CFAP92: variants seen among roughly 807,000 people sequenced by gnomAD.
CFAP92 encodes the protein cilia and flagella associated protein 92 (putative).
CFAP92 carries 86 observed loss-of-function variants against 106.3 expected under a neutral mutation model. The observed-to-expected ratio is 0.81, with a 90% CI of 0.68 to 0.97. The LOEUF is 0.97. CFAP92 is among the 50% of genes least tolerant of loss of function. CFAP92 has a pLI of 0.00. For missense variants in CFAP92, 1,204 were observed against 1,283.8 expected, an observed-to-expected ratio of 0.94 and a Z score of 0.95; for synonymous variants, 477 against 506.4, an observed-to-expected ratio of 0.94 and a Z score of 0.78.
chr3:128,922,357 T>C (rs115214716), intron 12 of CFAP92, among the ~76,000 whole-genome samples: 2,754 of 151,058 alleles, frequency 0.018, 83 homozygotes, highest in African/African-American at 0.063. Flanking sequence ...AAAAAAAAAA[T>C]TCAATTAGTT....
chr3:128,932,599 G>A (rs1448858157), intron 12 of CFAP92, 101 bp downstream of exon 12: 2 of 1,208,470 alleles, frequency 1.7e-6, no homozygotes, highest in African/African-American at 1.5e-5. Context: ...ACGACCAGAG[G>A]CAAATGTCCC....
At position 129,002,007 on chromosome 3, in the gene CFAP92, G is replaced by A; in HGVS notation, n.117+567C>T. ...CACGGACGGGGACTCAGATACCGAT[G>A]AAGAGGCGCGCCTGGCGCTGCGCGC... is the stretch of plus-strand genomic sequence containing the variant. On this transcript the variant is annotated intron_variant and non_coding_transcript_variant, in intron 1 of 4. Transcript: ENST00000510149. The A allele has an allele frequency of 3.2e-6, 5 of 1,545,896 alleles. No homozygotes were observed. The South Asian group carries it at 4.8e-5, about 15-fold the overall frequency.
chr3:128,964,415 G>C (rs537606241), intron 9 of CFAP92, among the ~76,000 whole-genome samples: 14 of 152,072 alleles, frequency 9.2e-5, no homozygotes, highest in Non-Finnish European at 1.9e-4. Context: ...CTTTTGTCTA[G>C]TCATACTCCT....
At chr3:128,997,399 A>T (rs1423108867), upstream of CFAP92, among the ~76,000 whole-genome samples, 1 of 152,358 alleles carries the variant, frequency 6.6e-6, no homozygotes, top group Middle Eastern at 3.4e-3. Context: ...TGCTGTAATC[A>T]TCATCATAAA....
chr3:128,914,685 T>C (rs1936661101), intron 15 of CFAP92: 2 of 165,520 alleles, frequency 1.2e-5, no homozygotes, highest in Admixed American at 1.1e-4. Flanking sequence ...ACGTTTCCTG[T>C]CTCTGCCTTA....
At chr3:128,970,576 A>G (rs1484981566) in intron 8 of CFAP92, 8 of 152,230 alleles carry the variant, frequency 5.3e-5, no homozygotes, top group African/African-American at 1.4e-4. Context: ...TAATTTTACC[A>G]AAATATATGC....
In CFAP92 at chr3:128,992,289, C is replaced by T. The variant is rs189160840; in HGVS notation, c.262+754G>A. 5.9e-5 allele frequency among the ~76,000 whole-genome samples: 9 copies of T among 152,170 alleles called. No individual in the cohort carries two copies. The East Asian group carries it at 9.7e-4, about 16-fold the overall frequency. On this transcript the variant is annotated intron_variant, in intron 2 of 15. Coordinates refer to ENST00000645291, the MANE Select transcript of CFAP92 (RefSeq NM_001394090.1). Reference sequence around the variant, plus strand: ...AGAAAATGTATTTTTTGGCCGGGTGCGGTGGCTCATGCCTGTAATCCCAGC... The same window carrying T: ...AGAAAATGTATTTTTTGGCCGGGTGTGGTGGCTCATGCCTGTAATCCCAGC...
At chr3:129,025,045 G>C in the CFAP92 span, among the ~76,000 whole-genome samples, 1 of 152,136 alleles carries the variant, frequency 6.6e-6, no homozygotes, top group East Asian at 1.9e-4. Flanking sequence ...GACAAGTCCA[G>C]GTGGCATGAG....
chr3:128,913,225 C>T (rs1033880840), intron 15 of CFAP92: 1 of 367,262 alleles, frequency 2.7e-6, no homozygotes, highest in Non-Finnish European at 5.4e-6. Context: ...TGTCCTCACC[C>T]TGCAAGGAGG....
intron 8 of CFAP92, chr3:128,967,529 T>G (rs1942465399): frequency 6.6e-6 from 1 of 152,004 alleles, no homozygotes; most frequent in Admixed American, 6.6e-5. Flanking sequence ...TGGAGAAACC[T>G]CGTCTCTACC....
In CFAP92 at chr3:128,945,700, G is replaced by A; in HGVS notation, c.1629C>T (p.Ile543=). The part of the protein sequence containing the change: ...LDSYLNFQAL[I]SPRETENNPF... ...GGTTGTTCTCTGTCTCTCTGGGAGA[G>A]ATGAGGGCCTGGAAGTTGAGGTATG... is the stretch of plus-strand genomic sequence containing the variant. Residue 543 remains isoleucine, a synonymous_variant, in exon 10 of 16, where the codon ATC becomes ATT. Coordinates refer to ENST00000645291, the MANE Select transcript of CFAP92 (RefSeq NM_001394090.1). The A allele has an allele frequency of 6.5e-7, 1 of 1,536,142 alleles. No homozygotes were observed. Among genetic ancestry groups the A allele is most frequent in the Non-Finnish European group, 8.7e-7 (1 of 1,146,918 alleles).
intron 12 of CFAP92, 38 bp from the exon 13 acceptor site, chr3:128,916,309 C>A: frequency 8.2e-7 from 1 of 1,216,318 alleles, no homozygotes; most frequent in South Asian, 4.2e-5. Context: ...CACACCAGGT[C>A]ATCCTCACCC....
chr3:128,989,012 C>G, intron 2 of CFAP92, 94 bp from the exon 3 acceptor site: 1 of 946,692 alleles, frequency 1.1e-6, no homozygotes, highest in South Asian at 1.6e-5. Flanking sequence ...TTGTGAGAGG[C>G]TGAGCACTCC....
chr3:129,008,269 G>T, the CFAP92 span, among the ~76,000 whole-genome samples: 1 of 152,190 alleles, frequency 6.6e-6, no homozygotes, highest in Non-Finnish European at 1.5e-5. Context: ...CTGGCCCCTG[G>T]CCTCATGCAG....
At position 128,935,180 on chromosome 3, in the gene CFAP92, C is replaced by T. The variant is rs2107710554; in HGVS notation, c.2398G>A (p.Ala800Thr). ...FQPTELLLQQAVFFLRDTERR... is the reference protein window; with the variant it reads ...FQPTELLLQQTVFFLRDTERR... The stretch of plus-strand genomic sequence containing the variant: ...TCAGTGTCTCGCAGGAAGAACACCG[C>T]CTGCTGCAGCAGCAGCTCCGTGGGC... Residue 800 changes from alanine (A) to threonine (T), a missense_variant, in exon 11 of 16, where the codon GCG becomes ACG. By Grantham distance (58) the Ala-to-Thr change is moderately conservative. Coordinates refer to ENST00000645291, the MANE Select transcript of CFAP92 (RefSeq NM_001394090.1). 6.5e-7 allele frequency: 1 copy of T among 1,535,820 alleles called. No homozygotes were observed. Among genetic ancestry groups the T allele is most frequent in the East Asian group, 2.4e-5 (1 of 40,908 alleles).
intron 9 of CFAP92, among the ~76,000 whole-genome samples, chr3:128,963,388 G>A (rs374251220): frequency 5.9e-5 from 9 of 152,166 alleles, no homozygotes; most frequent in East Asian, 3.9e-4. Context: ...GGCCCTAAAA[G>A]TCACAAACTA....
At chr3:128,938,115 C>T (rs1010651943) in intron 10 of CFAP92, among the ~76,000 whole-genome samples, 10 of 150,444 alleles carry the variant, frequency 6.6e-5, no homozygotes, top group African/African-American at 2.5e-4. Context: ...CTTGTCGGTC[C>T]CAGCTACTTG....
chr3:128,983,261 C>A (rs1943640680), intron 4 of CFAP92, among the ~76,000 whole-genome samples: 1 of 152,186 alleles, frequency 6.6e-6, no homozygotes, highest in African/African-American at 2.4e-5. Flanking sequence ...CTGGGATAGG[C>A]ACACATGTTG....
chr3:129,009,660 C>G, the CFAP92 span, among the ~76,000 whole-genome samples: 2 of 152,204 alleles, frequency 1.3e-5, no homozygotes, highest in Non-Finnish European at 2.9e-5. Flanking sequence ...GCACTGTACC[C>G]CAGACACATT....
Sources: gnomAD v4.1 joint callset for allele counts (sites outside exome capture counted in the v4.1 genomes callset) on GRCh38, gnomAD v4.1.1 for gene constraint, MANE v1.5 for transcripts, NCBI Gene and HGNC (gene_info 2026-07-23, HGNC 2026-07-21) for gene names.